CKMT2: variants seen among roughly 807,000 people sequenced by gnomAD.
CKMT2 encodes the protein creatine kinase, mitochondrial 2.
A neutral mutation model predicts 48.9 loss-of-function variants in CKMT2; 43 were observed. That is an observed-to-expected ratio of 0.88 (90% CI 0.69 to 1.13). CKMT2 has a LOEUF of 1.13. CKMT2 is among the 50% of genes most tolerant of loss of function. The probability of loss-of-function intolerance (pLI) is 0.00; values close to 1 mark genes in which losing one functional copy is unlikely to be tolerated. For synonymous variants in CKMT2, 206 were observed against 213.0 expected (o/e 0.97, Z 0.29); for missense variants, 472 against 555.4 (o/e 0.85, Z 1.51).
intron 1 of CKMT2, among the ~76,000 whole-genome samples, chr5:81,234,127 G>A (rs1756186697): frequency 6.6e-6 from 1 of 151,188 alleles, no homozygotes; most frequent in East Asian, 1.9e-4. Flanking sequence ...GTTGTCCCGG[G>A]GTTAAAATCA....
At chr5:81,254,567 G>A in intron 4 of CKMT2, 76 bp downstream of exon 4, 1 of 1,293,754 alleles carries the variant, frequency 7.7e-7, no homozygotes, top group Non-Finnish European at 1.1e-6. Flanking sequence ...TGGAGAGAGG[G>A]GTTCCCCGCT....
intron 8 of CKMT2, among the ~76,000 whole-genome samples, chr5:81,261,153 A>G (rs766391910): frequency 1.3e-5 from 2 of 152,236 alleles, no homozygotes; most frequent in Admixed American, 6.5e-5. Context: ...AAGGCCTTTG[A>G]CAAAATTCAG....
chr5:81,245,340 C>T (rs1315772572), intron 1 of CKMT2: 2 of 152,240 alleles, frequency 1.3e-5, no homozygotes, highest in African/African-American at 4.8e-5. Context: ...CAAATTCCAT[C>T]TCTGTCGCTC....
intron 7 of CKMT2, 100 bp from the exon 8 acceptor site, chr5:81,259,020 C>T: frequency 8.9e-7 from 1 of 1,129,098 alleles, no homozygotes; most frequent in Non-Finnish European, 1.3e-6. Context: ...TTCATTCATG[C>T]CAGAGGAGGG....
chr5:81,244,626 T>C (rs182127672), intron 1 of CKMT2: 3 of 152,300 alleles, frequency 2.0e-5, no homozygotes, highest in African/African-American at 4.8e-5. Flanking sequence ...TGGACGAGTA[T>C]ACCAAAGCAG....
intron 9 of CKMT2, 139 bp from the exon 10 acceptor site, chr5:81,266,000 T>C: frequency 2.9e-6 from 2 of 685,092 alleles, no homozygotes; most frequent in Non-Finnish European, 2.5e-6. Flanking sequence ...ATCTCTGCCT[T>C]CCATTTCTGA....
In CKMT2 at chr5:81,252,891, G is replaced by A. The variant is rs539699710; in HGVS notation, c.349G>A (p.Glu117Lys). 6 of 1,614,142 alleles carry A rather than the reference G, an allele frequency of 3.7e-6. No individual in the cohort carries two copies. In the African/African-American group the frequency reaches 8.0e-5, roughly 22 times the overall value. Residue 117 changes from glutamate to lysine, a missense_variant and splice_region_variant, in exon 3 of 10, where the codon GAG becomes AAG. Transcript: ENST00000254035. ...GGTGGCTGGTGACGAGGAGTCCTATGAGGTAAAACTATTGGCTGCTGGTTC... is the reference window on the plus strand; with the variant it reads ...GGTGGCTGGTGACGAGGAGTCCTATAAGGTAAAACTATTGGCTGCTGGTTC... ...GMVAGDEESY[E>K]VFADLFDPVI... is the part of the protein sequence containing the mutation.
At chr5:81,264,359 C>T (rs938493873) in intron 9 of CKMT2, among the ~76,000 whole-genome samples, 46 of 152,314 alleles carry the variant, frequency 3.0e-4, no homozygotes, top group African/African-American at 1.1e-3. Flanking sequence ...AAAGCCTCTT[C>T]TCATAACAAA....
chr5:81,255,189 A>G lies in CKMT2; in HGVS notation c.644A>G (p.Glu215Gly), dbSNP rs763566598. 5.6e-6 allele frequency: 9 copies of G among 1,613,874 alleles called. No individual in the cohort carries two copies. In the African/African-American group the frequency reaches 1.1e-4, roughly 19 times the overall value. The change falls in exon 5 of 10, where the codon GAG (glutamate) becomes GGG (glycine). Residue 215 changes from glutamate (E) to glycine (G), a missense_variant. Coordinates refer to ENST00000254035, the MANE Select transcript of CKMT2 (RefSeq NM_001099735.2). ...GRYYKLSEMT[E>G]QDQQRLIDDH... Reference sequence around the variant, plus strand: ...TACTACAAGCTGTCCGAGATGACGGAGCAGGACCAGCAGCGGCTCATCGAT... The same window carrying G: ...TACTACAAGCTGTCCGAGATGACGGGGCAGGACCAGCAGCGGCTCATCGAT...
Position 81,251,231 on chromosome 5 carries a change from C to A in CKMT2, c.99C>A (p.Asn33Lys). 6.2e-7 allele frequency: 1 copy of A among 1,614,206 alleles called. No homozygotes were observed. The highest frequency in any genetic ancestry group is 8.5e-7 in the Non-Finnish European group (1 of 1,180,040). Residue 33 changes from asparagine to lysine, a missense_variant, in exon 2 of 10, where the codon AAC becomes AAA. Transcript: ENST00000254035. ...TCCTGACCACCGGGTACCTGCTGAACCGGCAGAAAGTGTGTGCCGAGGTCC... is the reference window on the plus strand; with the variant it reads ...TCCTGACCACCGGGTACCTGCTGAAACGGCAGAAAGTGTGTGCCGAGGTCC... ...TSVLTTGYLL[N>K]RQKVCAEVRE...
intron 1 of CKMT2, chr5:81,237,938 C>A (rs918388959): frequency 6.6e-6 from 1 of 152,182 alleles, no homozygotes; most frequent in African/African-American, 2.4e-5. Context: ...TGTTGAGTGG[C>A]AGTGCTGGGC....
chr5:81,261,497 T>G (rs147582938), intron 8 of CKMT2, among the ~76,000 whole-genome samples: 2,041 of 152,290 alleles, frequency 0.013, 35 homozygotes, highest in African/African-American at 0.046. Context: ...AGCAACTTCA[T>G]CAAAGTCTCA....
At chr5:81,265,562 A>G (rs996699838) in intron 9 of CKMT2, among the ~76,000 whole-genome samples, 1 of 152,248 alleles carries the variant, frequency 6.6e-6, no homozygotes, top group African/African-American at 2.4e-5. Context: ...AGGAAAACAA[A>G]TATTTGGAAA....
intron 1 of CKMT2, among the ~76,000 whole-genome samples, chr5:81,243,683 A>C (rs1000663812): frequency 1.2e-4 from 18 of 151,910 alleles, no homozygotes; most frequent in Non-Finnish European, 2.5e-4. Context: ...GCTTTCATGA[A>C]ATTCCTAATA....
Position 81,266,204 on chromosome 5 carries a change from G to A in CKMT2, c.1206G>A (p.Glu402=), listed in dbSNP as rs570132956. 1.9e-6 allele frequency: 3 copies of A among 1,613,438 alleles called. No homozygotes were observed. The highest frequency in any genetic ancestry group is 4.5e-5 in the East Asian group (2 of 44,852). ...TGGTGGATTGTGAAAAGAAGTTGGAGAGAGGCCAAGATATTAAGGTGCCAC... is the reference window on the plus strand; with the variant it reads ...TGGTGGATTGTGAAAAGAAGTTGGAAAGAGGCCAAGATATTAAGGTGCCAC... The part of the protein sequence containing the change: ...NYLVDCEKKL[E]RGQDIKVPPP... The change falls in exon 10 of 10, where the codon GAG becomes GAA. Residue 402 remains glutamate (E), a synonymous_variant. Transcript: ENST00000254035.
Position 81,255,021 on chromosome 5 carries a change from A to AC in CKMT2, c.477dup (p.Val160ArgfsTer65), listed in dbSNP as rs761200183. 6.2e-7 allele frequency: 1 copy of AC among 1,614,016 alleles called. No individual in the cohort carries two copies. The highest frequency in any genetic ancestry group is 8.5e-7 in the Non-Finnish European group (1 of 1,179,988). ...ACCCAAGGGCAGTTCGACGAGCATTACGTGCTGTCTTCTCGGGTGCGCACT... is the reference window on the plus strand; with the variant it reads ...ACCCAAGGGCAGTTCGACGAGCATTACCGTGCTGTCTTCTCGGGTGCGCACT... On this transcript the variant is annotated frameshift_variant, in exon 5 of 10. Coordinates refer to ENST00000254035, the MANE Select transcript of CKMT2 (RefSeq NM_001099735.2). LOFTEE classifies it high-confidence loss of function.
intron 1 of CKMT2, among the ~76,000 whole-genome samples, 173 bp from the exon 2 acceptor site, chr5:81,250,940 A>AAAACACACACACACACAC (rs373408385): frequency 7.5e-6 from 1 of 132,998 alleles, no homozygotes; most frequent in African/African-American, 3.0e-5. Context: ...AGAAATAGAA[A>AAAACACACACACACACAC]ACACACACAC....
At chr5:81,257,505 C>A (rs967727057) in intron 6 of CKMT2, among the ~76,000 whole-genome samples, 6 of 152,166 alleles carry the variant, frequency 3.9e-5, no homozygotes, top group Non-Finnish European at 7.3e-5. Flanking sequence ...TAATTATATT[C>A]TTGTTTGGTA....
intron 2 of CKMT2, among the ~76,000 whole-genome samples, chr5:81,252,494 C>CA (rs1223483362): frequency 6.6e-6 from 1 of 152,230 alleles, no homozygotes; most frequent in African/African-American, 2.4e-5. Flanking sequence ...TTCAAAAAGG[C>CA]AAAGTCCCCG....
Sources: gnomAD v4.1 joint callset for allele counts (sites outside exome capture counted in the v4.1 genomes callset) on GRCh38, gnomAD v4.1.1 for gene constraint, MANE v1.5 for transcripts, NCBI Gene and HGNC (gene_info 2026-07-23, HGNC 2026-07-21) for gene names.